The following NME7 variants were observed in gnomAD, a reference collection of about 807,000 sequenced individuals.
The protein encoded by NME7 is NME/NM23 family member 7, also known as nucleoside diphosphate kinase 7.
A neutral mutation model predicts 49.1 loss-of-function variants in NME7; 41 were observed. That is an observed-to-expected ratio of 0.83 (90% CI 0.65 to 1.08). The LOEUF is 1.08. Among genes scored for constraint, NME7 ranks in the 50% least tolerant of loss-of-function variants. The pLI is 0.00. For synonymous variants in NME7, 139 were observed against 150.6 expected (o/e 0.92, Z 0.56); for missense variants, 423 against 463.4 (o/e 0.91, Z 0.80).
At chr1:169,359,930 C>G (rs1653598184) in intron 1 of NME7, among the ~76,000 whole-genome samples, 1 of 152,118 alleles carries the variant, frequency 6.6e-6, no homozygotes, top group South Asian at 2.1e-4. Context: ...TTAATAGCTA[C>G]AGTTTCTCAC....
At chr1:169,177,263 T>C (rs1659780044) in intron 10 of NME7, among the ~76,000 whole-genome samples, 1 of 152,154 alleles carries the variant, frequency 6.6e-6, no homozygotes, top group Admixed American at 6.5e-5. Flanking sequence ...CAACTACTAA[T>C]ATATACCCTG....
chr1:169,271,179 C>A lies in NME7; in HGVS notation c.754+16124G>T, dbSNP rs1423413021. Among the ~76,000 whole-genome samples, 16 of 133,416 alleles carry A rather than the reference C, an allele frequency of 1.2e-4. 4 individuals carry two copies. Among genetic ancestry groups the A allele is most frequent in the Admixed American group, 1.2e-3 (16 of 13,470 alleles). The allele number at this position is 133,416 out of a possible 152,430, so 87.5% of individuals were successfully genotyped here. On this transcript the variant is annotated intron_variant, in intron 7 of 11. Coordinates refer to ENST00000367811, the MANE Select transcript of NME7 (RefSeq NM_013330.5). ...GCTCTCTTAGAAATGAGAAGTGAAA[C>A]CACTGCATCCACATAGATTAACTAT...
intron 7 of NME7, among the ~76,000 whole-genome samples, chr1:169,243,644 T>TG (rs2101835897): frequency 6.6e-6 from 1 of 152,288 alleles, no homozygotes; most frequent in East Asian, 1.9e-4. Flanking sequence ...TCTTTCACCA[T>TG]GTAAAGGCAC....
intron 10 of NME7, among the ~76,000 whole-genome samples, chr1:169,212,599 C>A (rs1212839871): frequency 8.6e-6 from 1 of 116,438 alleles, no homozygotes; most frequent in Non-Finnish European, 1.7e-5. Flanking sequence ...AACAAATGTC[C>A]TTTTTTTTTT....
intron 10 of NME7, among the ~76,000 whole-genome samples, chr1:169,227,032 C>A (rs1647372530): frequency 6.6e-6 from 1 of 152,142 alleles, no homozygotes. Context: ...GTATTCTAGT[C>A]ATCTTTTTTA....
Position 169,256,614 on chromosome 1 carries a change from C to T in NME7, c.755-18927G>A, listed in dbSNP as rs942506954. On this transcript the variant is annotated intron_variant, in intron 7 of 11. Transcript: ENST00000367811. ...TTGTTCCGTTGCCGGTGAGGAACTG[C>T]GTTCCTTTGGAGGAGGAGAGGCGCT... Among the ~76,000 whole-genome samples the T allele has an allele frequency of 8.5e-5, 11 of 128,982 alleles. 1 individual carries two copies. The highest frequency in any genetic ancestry group is 3.8e-4 in the Admixed American group (5 of 13,092). 84.6% of individuals were successfully genotyped at this position (128,982 alleles called of 152,430 possible).
rs747767491 is a variant in NME7, at chr1:169,298,619, G to A, written c.585C>T (p.Leu195=). Residue 195 remains leucine, a synonymous_variant, in exon 6 of 12, where the codon CTC becomes CTT. Coordinates refer to ENST00000367811, the MANE Select transcript of NME7 (RefSeq NM_013330.5). ...RTDASESIRA[L]FGTDGIRNAA... ...CATTTCTTATGCCATCTGTTCCAAA[G>A]AGGGCTCTAATGCTTTCAGAAGCAT... 1 of 1,613,984 alleles carries A rather than the reference G, an allele frequency of 6.2e-7. No homozygotes were observed. The highest frequency in any genetic ancestry group is 8.5e-7 in the Non-Finnish European group (1 of 1,179,922).
At chr1:169,312,916 A>G (rs971484267) in intron 3 of NME7, among the ~76,000 whole-genome samples, 69 of 152,162 alleles carry the variant, frequency 4.5e-4, no homozygotes, top group Non-Finnish European at 6.9e-4. Context: ...TTCTAAACCT[A>G]TTCTAAAAGT....
chr1:169,271,514 A>G (rs1480141827), intron 7 of NME7, among the ~76,000 whole-genome samples: 1 of 133,336 alleles, frequency 7.5e-6, no homozygotes, highest in Non-Finnish European at 1.8e-5. Flanking sequence ...CAATCAGACG[A>G]CTGCATTGAA....
chr1:169,346,295 T>A (rs10919148), intron 1 of NME7, among the ~76,000 whole-genome samples: 30,212 of 152,078 alleles, frequency 0.2, 3,345 homozygotes, highest in African/African-American at 0.28. Flanking sequence ...CACAAAGCCC[T>A]CCAAGATCTG....
chr1:169,301,674 C>T (rs1650945186), intron 5 of NME7, among the ~76,000 whole-genome samples: 1 of 152,002 alleles, frequency 6.6e-6, no homozygotes, highest in South Asian at 2.1e-4. Flanking sequence ...AACTCAAGTG[C>T]CCATCAGTGG....
At chr1:169,169,365 A>G (rs181618117) in intron 11 of NME7, 82 bp downstream of exon 11, 121 of 1,271,142 alleles carry the variant, frequency 9.5e-5, no homozygotes, top group Non-Finnish European at 4.5e-6. Flanking sequence ...CAATAAAACA[A>G]AAAGTTTTCT....
chr1:169,357,638 C>T (rs1451065166), intron 1 of NME7, among the ~76,000 whole-genome samples: 2 of 151,994 alleles, frequency 1.3e-5, no homozygotes, highest in Non-Finnish European at 2.9e-5. Flanking sequence ...GATCTCAGTG[C>T]ATGCAGTAAA....
intron 10 of NME7, among the ~76,000 whole-genome samples, chr1:169,211,647 A>C (rs2101794083): frequency 6.6e-6 from 1 of 152,276 alleles, no homozygotes; most frequent in South Asian, 2.1e-4. Context: ...ATATGATATA[A>C]TGGTTAAAGG....
At chr1:169,282,391 A>G (rs1430454715) in intron 7 of NME7, among the ~76,000 whole-genome samples, 2 of 152,126 alleles carry the variant, frequency 1.3e-5, no homozygotes, top group South Asian at 2.1e-4. Context: ...GATTTTTTCA[A>G]AAAACCAGTT....
chr1:169,201,944 C>A (rs1425467716), intron 10 of NME7, among the ~76,000 whole-genome samples: 1 of 152,100 alleles, frequency 6.6e-6, no homozygotes, highest in African/African-American at 2.4e-5. Context: ...AACACCACAA[C>A]TTAAAAGGCA....
intron 10 of NME7, among the ~76,000 whole-genome samples, chr1:169,217,811 G>T (rs918059629): frequency 2.6e-5 from 4 of 152,134 alleles, no homozygotes; most frequent in African/African-American, 7.2e-5. Flanking sequence ...TGTGCTGGTT[G>T]CGGCTTCACT....
intron 4 of NME7, among the ~76,000 whole-genome samples, chr1:169,308,126 A>T (rs1212869402): frequency 1.3e-5 from 2 of 152,174 alleles, no homozygotes; most frequent in Non-Finnish European, 2.9e-5. Context: ...ATCTGGTCTA[A>T]ATACTGTGCT....
intron 11 of NME7, among the ~76,000 whole-genome samples, chr1:169,148,598 A>C (rs1658825348): frequency 6.6e-6 from 1 of 152,234 alleles, no homozygotes; most frequent in African/African-American, 2.4e-5. Flanking sequence ...CAGTCACCTA[A>C]GAGTTACTTA....
Sources: gnomAD v4.1 joint callset for allele counts (sites outside exome capture counted in the v4.1 genomes callset) on GRCh38, gnomAD v4.1.1 for gene constraint, MANE v1.5 for transcripts, NCBI Gene and HGNC (gene_info 2026-07-23, HGNC 2026-07-21) for gene names.